Variants in RALGAPA2 observed in about 807,000 individuals in gnomAD.
RALGAPA2 encodes Ral GTPase activating protein catalytic subunit alpha 2.
Under a neutral mutation model 230.4 loss-of-function variants are expected in RALGAPA2, and 139 were observed. The ratio of observed to expected loss-of-function variants is 0.60; its 90% CI spans 0.53 to 0.69. The LOEUF (loss-of-function observed/expected upper bound fraction) is 0.69. Ranked by LOEUF, RALGAPA2 falls within the 30% of genes least tolerant of loss-of-function variation. The pLI, the probability that RALGAPA2 is intolerant of heterozygous loss-of-function variation, is 0.00. For synonymous variants in RALGAPA2, 847 were observed against 837.8 expected, an observed-to-expected ratio of 1.01 and a Z score of -0.19; for missense variants, 2,163 against 2,276.0, an observed-to-expected ratio of 0.95 and a Z score of 1.01.
intron 27 of RALGAPA2, among the ~76,000 whole-genome samples, chr20:20,531,278 T>A (rs552292241): frequency 3.1e-4 from 47 of 152,242 alleles, no homozygotes; most frequent in African/African-American, 1.1e-3. Context: ...AACAAAGATG[T>A]CCTTAAAGTG....
At chr20:20,507,110 C>CT (rs1569451792) in intron 33 of RALGAPA2, among the ~76,000 whole-genome samples, 3 of 152,108 alleles carry the variant, frequency 2.0e-5, no homozygotes. Context: ...TTTGTGAACA[C>CT]TTTTTTATTG....
At chr20:20,705,695 G>T (rs2069572117) in intron 1 of RALGAPA2, among the ~76,000 whole-genome samples, 1 of 151,934 alleles carries the variant, frequency 6.6e-6, no homozygotes. Context: ...GTTTTTGAGA[G>T]TCTTACTCTG....
rs1040912470 is a variant in RALGAPA2 at position 20,398,666 on chromosome 20, G to A, written c.5618-1932C>T. ...AGGGCACCTGGAGGGCAATGTGCTC[G>A]GAGATGGGGGGTGGGAAGAGGCCAG... On this transcript the variant is annotated intron_variant, in intron 38 of 39. Transcript: ENST00000202677. This position sits in a 1 kb window ranked among gnomAD's most constrained non-coding sequence, Gnocchi z 4.5. Among the ~76,000 whole-genome samples the A allele has an allele frequency of 2.6e-5, 4 of 152,150 alleles. No individual in the cohort carries two copies. Among genetic ancestry groups the A allele is most frequent in the African/African-American group, 7.2e-5 (3 of 41,426 alleles).
rs139611445 is a variant in RALGAPA2, at chr20:20,664,903, G to C, written c.271-11316C>G. On this transcript the variant is annotated intron_variant, in intron 3 of 39. Transcript: ENST00000202677. ...TCAAATTCATTCAGCAAGTGCCCAA[G>C]GCCTGCAGGAAAAGCCAGTGCACAA... 7.2e-3 allele frequency among the ~76,000 whole-genome samples: 1,100 copies of C among 152,244 alleles called. 11 individuals carry two copies. Among genetic ancestry groups the C allele is most frequent in the African/African-American group, 0.025 (1,056 of 41,536 alleles).
chr20:20,470,898 C>G (rs2061525362), intron 37 of RALGAPA2: 1 of 152,144 alleles, frequency 6.6e-6, no homozygotes, highest in Non-Finnish European at 1.5e-5. Context: ...TCCCCACTAA[C>G]TCCATCTCTA....
intron 36 of RALGAPA2, among the ~76,000 whole-genome samples, chr20:20,476,790 T>C (rs930781295): frequency 1.3e-5 from 2 of 152,034 alleles, no homozygotes; most frequent in Non-Finnish European, 2.9e-5. Context: ...AGGCAAGTTA[T>C]ATATAGTCAC....
chr20:20,409,132 C>T (rs1247903287), intron 38 of RALGAPA2, among the ~76,000 whole-genome samples: 5 of 152,172 alleles, frequency 3.3e-5, no homozygotes, highest in East Asian at 1.9e-4. Context: ...GCTTGTTGGG[C>T]GGATGGGTAA....
At chr20:20,492,069 A>T (rs2062073877) in intron 36 of RALGAPA2, among the ~76,000 whole-genome samples, 1 of 152,204 alleles carries the variant, frequency 6.6e-6, no homozygotes, top group African/African-American at 2.4e-5. Context: ...AGGACTTGGA[A>T]GCAATGCTGC....
At chr20:20,664,633 A>AT (rs1184929804) in intron 3 of RALGAPA2, among the ~76,000 whole-genome samples, 1 of 152,008 alleles carries the variant, frequency 6.6e-6, no homozygotes, top group Non-Finnish European at 1.5e-5. Context: ...AAACTACTGC[A>AT]TTTTTCCGAT....
intron 10 of RALGAPA2, among the ~76,000 whole-genome samples, chr20:20,627,885 CAGGCAGTAA>C (rs1283115854): frequency 6.6e-6 from 1 of 152,116 alleles, no homozygotes; most frequent in Non-Finnish European, 1.5e-5. Flanking sequence ...TGGCACTGGA[CAGGCAGTAA>C]AGGCCCCAAG....
At position 20,394,889 on chromosome 20, in the gene RALGAPA2, CAAAAAAA is replaced by C. The variant is rs10673778; in HGVS notation, c.*36-1643_*36-1637del. On this transcript the variant is annotated intron_variant, in intron 39 of 39. Coordinates refer to ENST00000202677, the MANE Select transcript of RALGAPA2 (RefSeq NM_020343.4). ...AATCAGATTGATTCTAATAAATAAG[CAAAAAAA>C]AAAAAAAAAAAAAAGGCAAGTAAAT... Among the ~76,000 whole-genome samples, 7 of 44,648 alleles carry C rather than the reference CAAAAAAA, an allele frequency of 1.6e-4. No individual in the cohort carries two copies. In the Admixed American group the frequency reaches 2.2e-3, roughly 14 times the overall value. 29.3% of individuals were successfully genotyped at this position (44,648 alleles called of 152,430 possible).
intron 38 of RALGAPA2, among the ~76,000 whole-genome samples, chr20:20,401,443 C>T (rs867125810): frequency 6.6e-6 from 1 of 152,176 alleles, no homozygotes; most frequent in Non-Finnish European, 1.5e-5. Context: ...CCACTGCTGG[C>T]ACACTGCTTT....
chr20:20,591,986 T>TC (rs1349740462), intron 16 of RALGAPA2, among the ~76,000 whole-genome samples: 2 of 152,026 alleles, frequency 1.3e-5, no homozygotes, highest in African/African-American at 4.8e-5. Flanking sequence ...TAGAATGAGT[T>TC]CCCCCCAGCT....
At chr20:20,516,863 C>T (rs1455906918) in intron 31 of RALGAPA2, among the ~76,000 whole-genome samples, 1 of 152,194 alleles carries the variant, frequency 6.6e-6, no homozygotes, top group Non-Finnish European at 1.5e-5. Context: ...GGGAACACCC[C>T]ATGGGACAAA....
intron 27 of RALGAPA2, among the ~76,000 whole-genome samples, chr20:20,529,394 T>A (rs1310109278): frequency 6.6e-6 from 1 of 152,194 alleles, no homozygotes; most frequent in Admixed American, 6.5e-5. Context: ...TTTTCCCCCA[T>A]AATTATAGAA....
chr20:20,683,192 G>T (rs533427998), intron 1 of RALGAPA2, among the ~76,000 whole-genome samples: 2 of 152,322 alleles, frequency 1.3e-5, no homozygotes, highest in South Asian at 4.1e-4. Flanking sequence ...GCCCTGGACT[G>T]CTTCTGCTCT....
intron 24 of RALGAPA2, among the ~76,000 whole-genome samples, chr20:20,545,090 A>T (rs936340991): frequency 4.6e-5 from 7 of 152,222 alleles, no homozygotes; most frequent in African/African-American, 9.6e-5. Flanking sequence ...TTGAAAGATG[A>T]TGTGAATGGT....
intron 37 of RALGAPA2, among the ~76,000 whole-genome samples, chr20:20,470,337 C>T (rs1410637947): frequency 6.6e-6 from 1 of 152,154 alleles, no homozygotes; most frequent in Non-Finnish European, 1.5e-5. Flanking sequence ...AACTAAAGCC[C>T]AACTGACACG....
rs1472048787 is a variant in RALGAPA2, at chr20:20,498,304, T to G, written c.5209-3029A>C. 2.6e-5 allele frequency among the ~76,000 whole-genome samples: 4 copies of G among 152,220 alleles called. No individual in the cohort carries two copies. In the East Asian group the frequency reaches 7.7e-4, roughly 29 times the overall value. On this transcript the variant is annotated intron_variant, in intron 35 of 39. Coordinates refer to ENST00000202677, the MANE Select transcript of RALGAPA2 (RefSeq NM_020343.4). Reference sequence around the variant, plus strand: ...CTACTCCTTCAACTGCACAACAGGCTCCACAATGGCTGGATACTTATCAGG... The same window carrying G: ...CTACTCCTTCAACTGCACAACAGGCGCCACAATGGCTGGATACTTATCAGG...
Sources: gnomAD v4.1 joint callset for allele counts (sites outside exome capture counted in the v4.1 genomes callset) on GRCh38, gnomAD v4.1.1 for gene constraint, Gnocchi (gnomAD v3.1) non-coding constraint, MANE v1.5 for transcripts, NCBI Gene and HGNC (gene_info 2026-07-23, HGNC 2026-07-21) for gene names.